ROBO1: variants seen among roughly 807,000 people sequenced by gnomAD.
ROBO1 encodes the protein roundabout guidance receptor 1, also known as roundabout homolog 1.
Under a neutral mutation model 195.9 loss-of-function variants are expected in ROBO1, and 149 were observed. That is an observed-to-expected ratio of 0.76 (90% CI 0.67 to 0.87). ROBO1 has a LOEUF of 0.87. Among genes scored for constraint, ROBO1 ranks in the 40% least tolerant of loss-of-function variants. ROBO1 has a pLI of 0.00. For synonymous variants in ROBO1, 816 were observed against 733.2 expected (o/e 1.11, Z -1.82); for missense variants, 1,933 against 2,068.3 (o/e 0.93, Z 1.27).
At chr3:78,886,723 A>T (rs898154014) in intron 4 of ROBO1, among the ~76,000 whole-genome samples, 1 of 152,204 alleles carries the variant, frequency 6.6e-6, no homozygotes, top group Non-Finnish European at 1.5e-5. Context: ...TCTCCAAAAC[A>T]TAATGTGGAA....
intron 2 of ROBO1, among the ~76,000 whole-genome samples, chr3:79,182,347 T>G (rs2108734714): frequency 6.6e-6 from 1 of 152,292 alleles, no homozygotes; most frequent in Non-Finnish European, 1.5e-5. Context: ...TAAAAATGCC[T>G]TTTCCCCTCT....
At chr3:78,724,161 G>T (rs559201956) in intron 5 of ROBO1, among the ~76,000 whole-genome samples, 1 of 152,186 alleles carries the variant, frequency 6.6e-6, no homozygotes, top group Non-Finnish European at 1.5e-5. Flanking sequence ...GAAGAAACAT[G>T]CCAGTTTTCA....
At chr3:78,627,637 G>T in intron 25 of ROBO1, 68 bp from the exon 26 acceptor site, 1 of 1,447,220 alleles carries the variant, frequency 6.9e-7, no homozygotes, top group East Asian at 2.3e-5. Context: ...GGATAGTAAT[G>T]AAATGTCACC....
chr3:79,225,168 G>A (rs768087316), intron 2 of ROBO1, among the ~76,000 whole-genome samples: 32 of 151,654 alleles, frequency 2.1e-4, no homozygotes, highest in Non-Finnish European at 3.5e-4. Flanking sequence ...AATTCTTTGG[G>A]GGGGAAATAA....
intron 2 of ROBO1, among the ~76,000 whole-genome samples, chr3:79,152,789 G>A (rs569621324): frequency 1.3e-5 from 2 of 151,618 alleles, no homozygotes; most frequent in Non-Finnish European, 2.9e-5. Context: ...CATTTGGAGG[G>A]GTAGTGTCAG....
chr3:79,038,534 C>T (rs76674378), intron 3 of ROBO1, among the ~76,000 whole-genome samples: 1,858 of 152,178 alleles, frequency 0.012, 41 homozygotes, highest in African/African-American at 0.043. Context: ...TGTCAGTATA[C>T]TTCTCACTCA....
At chr3:78,952,252 G>C (rs977113861) in intron 3 of ROBO1, among the ~76,000 whole-genome samples, 2 of 151,100 alleles carry the variant, frequency 1.3e-5, no homozygotes, top group African/African-American at 2.4e-5. Flanking sequence ...AAAAGCAGAA[G>C]AGGAACAAAT....
At chr3:79,260,107 A>AAAT (rs2082912147) in intron 2 of ROBO1, among the ~76,000 whole-genome samples, 7 of 145,824 alleles carry the variant, frequency 4.8e-5, no homozygotes, top group African/African-American at 1.5e-4. Context: ...CACACACACA[A>AAAT]ATATATATAT....
chr3:78,706,031 C>A, intron 8 of ROBO1, among the ~76,000 whole-genome samples: 1 of 151,732 alleles, frequency 6.6e-6, no homozygotes, highest in Non-Finnish European at 1.5e-5. Flanking sequence ...ACTAACAAAG[C>A]AAAGTCAGCA....
intron 2 of ROBO1, among the ~76,000 whole-genome samples, chr3:79,545,598 T>G (rs1942234729): frequency 6.6e-6 from 1 of 152,192 alleles, no homozygotes; most frequent in Non-Finnish European, 1.5e-5. Context: ...TTTGCAGTAT[T>G]AAATATGTGA....
chr3:79,136,959 T>C (rs1044760525), intron 2 of ROBO1, among the ~76,000 whole-genome samples: 2 of 152,082 alleles, frequency 1.3e-5, no homozygotes, highest in Non-Finnish European at 1.5e-5. Context: ...AGAGATAATA[T>C]GTATGAAGTT....
At chr3:78,676,386 C>T (rs1708428431) in intron 10 of ROBO1, among the ~76,000 whole-genome samples, 2 of 151,982 alleles carry the variant, frequency 1.3e-5, no homozygotes, top group South Asian at 2.1e-4. Flanking sequence ...CCGAGCTACA[C>T]AAGGAAATTC....
At chr3:79,609,149 A>G (rs1036659983) in intron 1 of ROBO1, among the ~76,000 whole-genome samples, 1 of 151,926 alleles carries the variant, frequency 6.6e-6, no homozygotes, top group African/African-American at 2.4e-5. Flanking sequence ...AGTCTCAGAT[A>G]TTTTGTTTTA....
rs368177031 is a variant in ROBO1, at chr3:79,308,522, G to A, written c.89-182983C>T. On this transcript the variant is annotated intron_variant, in intron 2 of 30. Coordinates refer to ENST00000464233, the MANE Select transcript of ROBO1 (RefSeq NM_002941.4). ...ACCTATGATGTGCTTAGTACTATGC[G>A]AATTAGTGTGGAAATGGCAGTAAGC... Among the ~76,000 whole-genome samples the A allele has an allele frequency of 2.2e-3, 335 of 152,144 alleles. 1 individual carries two copies. The highest frequency in any genetic ancestry group is 7.1e-3 in the African/African-American group (294 of 41,514).
chr3:78,755,294 AC>A (rs1162545921), intron 4 of ROBO1, among the ~76,000 whole-genome samples: 2 of 152,044 alleles, frequency 1.3e-5, no homozygotes, highest in Non-Finnish European at 2.9e-5. Context: ...ATAGTGAGAC[AC>A]TGTCTCTACA....
intron 4 of ROBO1, among the ~76,000 whole-genome samples, chr3:78,826,435 G>A (rs190242549): frequency 6.6e-6 from 1 of 152,276 alleles, no homozygotes; most frequent in Admixed American, 6.5e-5. Flanking sequence ...TTTGAGGAAA[G>A]GAGATTCTTT....
At chr3:79,416,438 T>TA (rs550048639) in intron 2 of ROBO1, among the ~76,000 whole-genome samples, 8,564 of 134,752 alleles carry the variant, frequency 0.064, 644 homozygotes, top group African/African-American at 0.19. Context: ...ACCCCATCTC[T>TA]AAAAAAAAAA....
intron 1 of ROBO1, among the ~76,000 whole-genome samples, chr3:79,741,345 T>G (rs1241353923): frequency 6.6e-6 from 1 of 152,216 alleles, no homozygotes; most frequent in Non-Finnish European, 1.5e-5. Context: ...TTCTTCTGCA[T>G]CCACATCTTC....
chr3:79,419,209 AC>A (rs1374576101), intron 2 of ROBO1, among the ~76,000 whole-genome samples: 3 of 152,304 alleles, frequency 2.0e-5, no homozygotes, highest in Middle Eastern at 6.8e-3. Flanking sequence ...GAAACCAGCC[AC>A]TGTAATAAAT....
Sources: gnomAD v4.1 joint callset for allele counts (sites outside exome capture counted in the v4.1 genomes callset) on GRCh38, gnomAD v4.1.1 for gene constraint, MANE v1.5 for transcripts, NCBI Gene and HGNC (gene_info 2026-07-23, HGNC 2026-07-21) for gene names.